CEP126: variants seen among roughly 807,000 people sequenced by gnomAD.
The protein encoded by CEP126 is centrosomal protein of 126 kDa.
In CEP126, 74 loss-of-function variants were observed where a neutral mutation model predicts 107.8. The ratio of observed to expected loss-of-function variants is 0.69; its 90% CI spans 0.57 to 0.83. CEP126 has a LOEUF of 0.83. CEP126 is among the 40% of genes least tolerant of loss of function. The pLI, the probability that CEP126 is intolerant of heterozygous loss-of-function variation, is 0.00. For missense variants in CEP126, 1,237 were observed against 1,281.9 expected, an observed-to-expected ratio of 0.96 and a Z score of 0.53; for synonymous variants, 449 against 446.0, an observed-to-expected ratio of 1.01 and a Z score of -0.08.
chr11:101,949,263 TTTATC>T (rs1940779029), intron 4 of CEP126, among the ~76,000 whole-genome samples: 1 of 152,182 alleles, frequency 6.6e-6, no homozygotes, highest in African/African-American at 2.4e-5. Context: ...AAATATAAAC[TTTATC>T]TTGAGAGTTT....
rs780971878 is a variant in CEP126, at chr11:101,963,389, G to A, written c.2354G>A (p.Ser785Asn). Reference sequence around the variant, plus strand: ...GCTGTCATTCAACCACAGTCTGCAAGCAAAGTCAACATATTTACACAAGCT... The same window carrying A: ...GCTGTCATTCAACCACAGTCTGCAAACAAAGTCAACATATTTACACAAGCT... The part of the protein sequence containing the change: ...KGAVIQPQSA[S>N]KVNIFTQAQG... The change falls in exon 6 of 11, where the codon AGC becomes AAC. Residue 785 changes from serine to asparagine, a missense_variant. By Grantham distance (46) the Ser-to-Asn change is conservative (BLOSUM62 1). Transcript: ENST00000263468. The A allele has an allele frequency of 6.2e-7, 1 of 1,614,112 alleles. No homozygotes were observed. Among genetic ancestry groups the A allele is most frequent in the Non-Finnish European group, 8.5e-7 (1 of 1,180,030 alleles).
intron 2 of CEP126, among the ~76,000 whole-genome samples, chr11:101,923,623 G>A (rs914717447): frequency 1.3e-5 from 2 of 152,154 alleles, no homozygotes; most frequent in African/African-American, 4.8e-5. Flanking sequence ...ATTGTCTGAT[G>A]TAGTTGAAAT....
Position 101,944,326 on chromosome 11 carries a change from C to A in CEP126, c.310C>A (p.Leu104Ile), listed in dbSNP as rs1221540498. The A allele has an allele frequency of 6.2e-7, 1 of 1,611,668 alleles. No individual in the cohort carries two copies. Among genetic ancestry groups the A allele is most frequent in the East Asian group, 2.2e-5 (1 of 44,754 alleles). Residue 104 changes from leucine to isoleucine, a missense_variant, in exon 3 of 11, where the codon CTT (leucine) becomes ATT (isoleucine). Physicochemically the swap from Leu to Ile is conservative, Grantham distance 5. Around this residue, in one of 3 missense-constraint regions of CEP126, gnomAD observed 1,134 missense variants for 1,150.5 expected, o/e 0.99. Transcript: ENST00000263468. The stretch of plus-strand genomic sequence containing the variant: ...AGAACACCAAATTAGAGAACAAATA[C>A]TTCAACAAAGAAAACAGAAGTTTGA... The part of the protein sequence containing the change: ...EKEHQIREQI[L>I]QQRKQKFEEV...
intron 6 of CEP126, among the ~76,000 whole-genome samples, chr11:101,971,869 G>A (rs1417585791): frequency 6.6e-6 from 1 of 152,218 alleles, no homozygotes; most frequent in Admixed American, 6.5e-5. Flanking sequence ...AGCACTTTGG[G>A]ATGCCAAAGC....
At chr11:101,967,279 G>A (rs938285656) in intron 6 of CEP126, among the ~76,000 whole-genome samples, 10 of 151,998 alleles carry the variant, frequency 6.6e-5, no homozygotes, top group African/African-American at 2.4e-4. Context: ...GTCTCCCAAA[G>A]TGCTAGGATT....
At chr11:101,958,403 C>A in intron 5 of CEP126, 37 bp downstream of exon 5, 1 of 1,562,528 alleles carries the variant, frequency 6.4e-7, no homozygotes, top group African/African-American at 1.4e-5. Flanking sequence ...TATTTTAATT[C>A]CTTGCACTAA....
chr11:101,944,943 A>C (rs1348989679), intron 3 of CEP126, among the ~76,000 whole-genome samples: 1 of 152,222 alleles, frequency 6.6e-6, no homozygotes, highest in African/African-American at 2.4e-5. Context: ...AATATGTCAA[A>C]GCTTCATAAA....
chr11:101,997,372 C>T (rs569894906), intron 10 of CEP126, among the ~76,000 whole-genome samples: 1 of 152,300 alleles, frequency 6.6e-6, no homozygotes, highest in African/African-American at 2.4e-5. Flanking sequence ...TAAAACTGCA[C>T]ATTTTCAAAG....
At chr11:101,919,251 C>T (rs566876765) in intron 1 of CEP126, among the ~76,000 whole-genome samples, 3 of 152,066 alleles carry the variant, frequency 2.0e-5, no homozygotes, top group African/African-American at 7.2e-5. Context: ...GAGGAAAAAT[C>T]GAATCAACAT....
intron 2 of CEP126, among the ~76,000 whole-genome samples, chr11:101,933,611 A>G (rs1025847781): frequency 2.6e-5 from 4 of 152,124 alleles, no homozygotes; most frequent in Admixed American, 1.3e-4. Context: ...ACTTGTAATG[A>G]ATGATTATTA....
At chr11:101,942,779 C>G (rs1366105961) in intron 2 of CEP126, among the ~76,000 whole-genome samples, 1 of 151,718 alleles carries the variant, frequency 6.6e-6, no homozygotes, top group Admixed American at 6.6e-5. Context: ...TTATTTGCAT[C>G]TTTTTAAAAT....
At position 101,915,111 on chromosome 11, in the gene CEP126, A is replaced by G. The variant is rs950515899; in HGVS notation, c.-174A>G. 1.4e-5 allele frequency: 13 copies of G among 949,728 alleles called. No individual in the cohort carries two copies. The Admixed American group carries it at 2.4e-4, about 18-fold the overall frequency. 58.8% of individuals were successfully genotyped at this position (949,728 alleles called of 1,614,324 possible). A position where few individuals can be genotyped will look rare whatever the true frequency, so the allele number is the denominator to read the frequency against. On this transcript the variant is annotated 5_prime_UTR_variant, in exon 1 of 11. Transcript: ENST00000263468. ...CTGCCTCAGCTGCCATCGCCGCTAC[A>G]GGCACCAGTGCCGCTGCGCGGGAGC...
intron 2 of CEP126, among the ~76,000 whole-genome samples, chr11:101,932,287 G>T (rs1034064485): frequency 1.3e-5 from 2 of 152,070 alleles, no homozygotes; most frequent in Non-Finnish European, 2.9e-5. Context: ...TTGAGTTCAG[G>T]AGTAGAAATG....
chr11:101,987,717 T>C (rs1032340069), intron 9 of CEP126, among the ~76,000 whole-genome samples: 3 of 150,594 alleles, frequency 2.0e-5, no homozygotes, highest in Non-Finnish European at 4.4e-5. Flanking sequence ...GAGCAGGTGA[T>C]AGAGGAAAAA....
At chr11:101,961,296 T>C (rs1331384360) in intron 5 of CEP126, among the ~76,000 whole-genome samples, 1 of 152,062 alleles carries the variant, frequency 6.6e-6, no homozygotes, top group African/African-American at 2.4e-5. Flanking sequence ...TAGCCCCTAC[T>C]AACAGGAAAC....
chr11:101,996,387 C>T (rs1169524413), intron 10 of CEP126, among the ~76,000 whole-genome samples: 1 of 152,210 alleles, frequency 6.6e-6, no homozygotes, highest in African/African-American at 2.4e-5. Flanking sequence ...TGGCACGCCA[C>T]AGTAGAGCAG....
intron 8 of CEP126, 69 bp downstream of exon 8, chr11:101,982,033 C>A (rs989124141): frequency 1.2e-5 from 10 of 803,570 alleles, no homozygotes; most frequent in Non-Finnish European, 2.1e-5. Context: ...TATGCCTATT[C>A]TCAGATGCTA....
At chr11:101,956,661 C>T (rs1202723507) in intron 4 of CEP126, 2 of 456,286 alleles carry the variant, frequency 4.4e-6, no homozygotes, top group Non-Finnish European at 8.8e-6. Context: ...TCATCTATCC[C>T]TCTTTTTTCC....
rs567525146 is a variant in CEP126, at chr11:101,923,806, A to G, written c.248+1046A>G. 5.3e-5 allele frequency among the ~76,000 whole-genome samples: 8 copies of G among 152,320 alleles called. No homozygotes were observed. In the East Asian group the frequency reaches 1.3e-3, roughly 26 times the overall value. On this transcript the variant is annotated intron_variant, in intron 2 of 10. Coordinates refer to ENST00000263468, the MANE Select transcript of CEP126 (RefSeq NM_020802.4). ...CAGAGATCTAGGAAATACTAGCTCT[A>G]TGAATTAAAGGATGTCTGTTTAATG...
Sources: gnomAD v4.1 joint callset for allele counts (sites outside exome capture counted in the v4.1 genomes callset) on GRCh38, gnomAD v4.1.1 for gene constraint, gnomAD v4.1.1 regional missense constraint, MANE v1.5 for transcripts, NCBI Gene and HGNC (gene_info 2026-07-23, HGNC 2026-07-21) for gene names.